The following ZFHX3 variants were observed in gnomAD, a reference collection of about 807,000 sequenced individuals.
ZFHX3 encodes the protein zinc finger homeobox 3, also known as zinc finger homeobox protein 3.
In ZFHX3, 42 loss-of-function variants were observed where a neutral mutation model predicts 279.1. The observed-to-expected ratio is 0.15, with a 90% CI of 0.12 to 0.19. The LOEUF is 0.19. Among genes scored for constraint, ZFHX3 ranks in the 10% least tolerant of loss-of-function variants. The pLI, the probability that ZFHX3 is intolerant of heterozygous loss-of-function variation, is 1.00. For missense variants in ZFHX3, 4,981 were observed against 4,754.0 expected, an observed-to-expected ratio of 1.05 and a Z score of -1.40; for synonymous variants, 2,293 against 1,957.8, an observed-to-expected ratio of 1.17 and a Z score of -4.52.
chr16:73,475,042 G>T (rs1287262017), intron 2 of ZFHX3, among the ~76,000 whole-genome samples: 9 of 152,116 alleles, frequency 5.9e-5, no homozygotes, highest in Admixed American at 5.9e-4. Flanking sequence ...TCCTCATCCT[G>T]TCTCCCTCCC....
chr16:72,794,171 A>G lies in ZFHX3; in HGVS notation c.8511T>C (p.Ser2837=). 1 of 1,614,206 alleles carries G rather than the reference A, an allele frequency of 6.2e-7. No homozygotes were observed. Among genetic ancestry groups the G allele is most frequent in the South Asian group, 1.1e-5 (1 of 91,080 alleles). Residue 2837 remains serine, a synonymous_variant, in exon 9 of 10, where the codon TCT becomes TCC. Coordinates refer to ENST00000268489, the MANE Select transcript of ZFHX3 (RefSeq NM_006885.4). This position sits in a 1 kb window ranked among gnomAD's most constrained non-coding sequence, Gnocchi z 4.2. ...TGGTATCTGTGATTGCTGTGTTGAC[A>G]GAGGAACAGTCATCGTTGTCCAGCT... is the stretch of plus-strand genomic sequence containing the variant. ...QTKLDNDDCS[S]VNTAITDTTT...
intron 3 of ZFHX3, among the ~76,000 whole-genome samples, chr16:72,926,593 G>A (rs1959459776): frequency 6.6e-6 from 1 of 152,132 alleles, no homozygotes; most frequent in Non-Finnish European, 1.5e-5. Context: ...TTTTAATATG[G>A]GCATTATTCG....
At chr16:73,687,060 A>ATATATT (rs2053095952) in intron 1 of ZFHX3, among the ~76,000 whole-genome samples, 1 of 86,066 alleles carries the variant, frequency 1.2e-5, no homozygotes, top group Non-Finnish European at 2.3e-5. Flanking sequence ...ATATATATAT[A>ATATATT]TATATTTGCA....
rs2019092030 is a variant in ZFHX3, at chr16:73,493,780, G to T, written c.-1546-37522C>A. Among the ~76,000 whole-genome samples, 3 of 152,174 alleles carry T rather than the reference G, an allele frequency of 2.0e-5. 1 individual carries two copies. In the South Asian group the frequency reaches 6.2e-4, roughly 32 times the overall value. ...CTGGGTGTGGCAGGCTCATGGGTGG[G>T]CACATGCACACACGGTTGACCCTTG... On this transcript the variant is annotated intron_variant, in intron 2 of 17. Coordinates refer to the ZFHX3 transcript ENST00000641206.
intron 3 of ZFHX3, among the ~76,000 whole-genome samples, chr16:72,943,683 G>C (rs535784472): frequency 6.6e-6 from 1 of 152,296 alleles, no homozygotes; most frequent in Admixed American, 6.5e-5. Flanking sequence ...CACTGTGTGG[G>C]AGTCTGGCCG....
At chr16:73,238,594 T>G (rs1182515200) in intron 5 of ZFHX3, among the ~76,000 whole-genome samples, 1 of 152,216 alleles carries the variant, frequency 6.6e-6, no homozygotes, top group Non-Finnish European at 1.5e-5. Context: ...TTGCCCACAA[T>G]GCCTTCTCTG....
At chr16:73,610,170 A>G (rs1051111635) in intron 2 of ZFHX3, 1 of 152,028 alleles carries the variant, frequency 6.6e-6, no homozygotes, top group Non-Finnish European at 1.5e-5. Context: ...TTCAAAAGCC[A>G]AAGTATGCAC....
intron 7 of ZFHX3, among the ~76,000 whole-genome samples, chr16:73,114,763 G>A (rs565238918): frequency 2.0e-5 from 3 of 152,278 alleles, no homozygotes; most frequent in African/African-American, 4.8e-5. Flanking sequence ...CCTTGTGAAT[G>A]GCCAGCCTGT....
chr16:73,056,997 C>T (rs536056597), intron 1 of ZFHX3, among the ~76,000 whole-genome samples: 1 of 152,164 alleles, frequency 6.6e-6, no homozygotes, highest in Non-Finnish European at 1.5e-5. Flanking sequence ...TACAGCCAAG[C>T]GATCACCGTC....
At chr16:73,424,065 G>A (rs1157335028) in intron 3 of ZFHX3, among the ~76,000 whole-genome samples, 1 of 152,124 alleles carries the variant, frequency 6.6e-6, no homozygotes, top group African/African-American at 2.4e-5. Context: ...ATGAGCCACT[G>A]AATCCACCCA....
At chr16:73,891,156 C>T (rs1391719489) in intron 1 of ZFHX3, among the ~76,000 whole-genome samples, 1 of 151,992 alleles carries the variant, frequency 6.6e-6, no homozygotes, top group East Asian at 1.9e-4. Flanking sequence ...AAAAGCCACA[C>T]ATTAATATAA....
At chr16:73,263,468 C>T (rs773806897) in intron 4 of ZFHX3, among the ~76,000 whole-genome samples, 11 of 152,182 alleles carry the variant, frequency 7.2e-5, no homozygotes, top group African/African-American at 1.7e-4. Context: ...GGATTACAGG[C>T]GTAAGCCACT....
intron 2 of ZFHX3, among the ~76,000 whole-genome samples, chr16:73,479,747 G>A (rs1376128879): frequency 2.6e-5 from 4 of 152,224 alleles, no homozygotes; most frequent in Non-Finnish European, 5.9e-5. Context: ...AAATAGGGGA[G>A]GGTCCTGGAA....
intron 1 of ZFHX3, among the ~76,000 whole-genome samples, chr16:73,815,238 C>A (rs1424432945): frequency 6.6e-6 from 1 of 152,174 alleles, no homozygotes; most frequent in East Asian, 1.9e-4. Flanking sequence ...AATCACCAGG[C>A]TGTGTCTTTT....
At chr16:73,422,824 C>T (rs1206224191) in intron 3 of ZFHX3, among the ~76,000 whole-genome samples, 1 of 152,192 alleles carries the variant, frequency 6.6e-6, no homozygotes, top group Non-Finnish European at 1.5e-5. Flanking sequence ...ACAGACAATC[C>T]TCCTGGGTTA....
intron 5 of ZFHX3, among the ~76,000 whole-genome samples, chr16:73,168,661 C>A (rs75865920): frequency 0.035 from 5,273 of 152,270 alleles, 145 homozygotes; most frequent in Non-Finnish European, 0.054. Context: ...CCGCAATTCC[C>A]CCAATCTGTC....
chr16:73,380,321 C>A (rs771688338), intron 3 of ZFHX3, among the ~76,000 whole-genome samples: 2 of 151,994 alleles, frequency 1.3e-5, no homozygotes, highest in Non-Finnish European at 2.9e-5. Flanking sequence ...GACATATTTA[C>A]AAGACAAAAA....
At chr16:73,064,099 C>G (rs1325703582), upstream of ZFHX3, among the ~76,000 whole-genome samples, 1 of 151,900 alleles carries the variant, frequency 6.6e-6, no homozygotes, top group African/African-American at 2.4e-5. Flanking sequence ...GAAAGTTACT[C>G]CAAGAAAAAG....
intron 5 of ZFHX3, among the ~76,000 whole-genome samples, chr16:73,195,681 T>G (rs977482145): frequency 2.0e-5 from 3 of 152,140 alleles, no homozygotes; most frequent in Non-Finnish European, 4.4e-5. Flanking sequence ...CCTTTCAAAG[T>G]GCTGGGATTA....
Sources: allele counts gnomAD v4.1 joint callset (sites outside exome capture counted in the v4.1 genomes callset), GRCh38; gene constraint gnomAD v4.1.1; non-coding constraint Gnocchi (gnomAD v3.1); transcripts MANE v1.5; gene names NCBI Gene and HGNC (gene_info 2026-07-23, HGNC 2026-07-21).